ENTPD4: variants seen among roughly 807,000 people sequenced by gnomAD.
The protein encoded by ENTPD4 is Golgi UDPase.
In ENTPD4, 60 loss-of-function variants were observed where a neutral mutation model predicts 79.1. The ratio of observed to expected loss-of-function variants is 0.76; its 90% CI spans 0.62 to 0.94. The LOEUF is 0.94. ENTPD4 is among the 40% of genes least tolerant of loss of function. The pLI is 0.00. For synonymous variants in ENTPD4, 276 were observed against 292.0 expected (o/e 0.95, Z 0.56); for missense variants, 772 against 775.1 (o/e 1.00, Z 0.05).
chr8:23,444,530 A>G lies in ENTPD4; in HGVS notation c.489T>C (p.His163=). The stretch of plus-strand genomic sequence containing the variant: ...TCTCTTTGTGTTTTGCCCGTGGCAC[A>G]TGCTCTGCAGCAAAGTTCAAAAGTG... ...ISPLLNFAAE[H]VPRAKHKETP... Residue 163 remains histidine (H), a synonymous_variant, in exon 5 of 13, where the codon CAT becomes CAC. Transcript: ENST00000358689. 3 of 1,614,206 alleles carry G rather than the reference A, an allele frequency of 1.9e-6. No individual in the cohort carries two copies. Among genetic ancestry groups the G allele is most frequent in the Non-Finnish European group, 2.5e-6 (3 of 1,180,012 alleles).
At chr8:23,435,017 A>T (rs1800530267) in intron 11 of ENTPD4, among the ~76,000 whole-genome samples, 1 of 152,242 alleles carries the variant, frequency 6.6e-6, no homozygotes, top group African/African-American at 2.4e-5. Context: ...AAAAAGCAGA[A>T]CATGATAAAT....
intron 1 of ENTPD4, among the ~76,000 whole-genome samples, chr8:23,453,692 G>A (rs1196863791): frequency 6.6e-6 from 1 of 152,192 alleles, no homozygotes; most frequent in African/African-American, 2.4e-5. Context: ...ACTCTGGACA[G>A]GCACATCACT....
At chr8:23,435,350 T>C (rs1218658537) in intron 11 of ENTPD4, 42 bp downstream of exon 11, 3 of 1,436,800 alleles carry the variant, frequency 2.1e-6, no homozygotes, top group African/African-American at 1.4e-5. Flanking sequence ...CACTGCATTA[T>C]GGTTCTTAAG....
At chr8:23,453,770 C>T (rs1446529210) in intron 1 of ENTPD4, among the ~76,000 whole-genome samples, 1 of 152,144 alleles carries the variant, frequency 6.6e-6, no homozygotes, top group South Asian at 2.1e-4. Flanking sequence ...CTCTACCCAT[C>T]ACACTTCCAG....
intron 8 of ENTPD4, among the ~76,000 whole-genome samples, chr8:23,440,911 C>T (rs371366760): frequency 3.3e-5 from 5 of 152,306 alleles, no homozygotes; most frequent in South Asian, 4.1e-4. Context: ...CACTTTGAAC[C>T]GTCCCCCGCC....
At chr8:23,453,301 T>G (rs2117309530) in intron 1 of ENTPD4, among the ~76,000 whole-genome samples, 1 of 152,244 alleles carries the variant, frequency 6.6e-6, no homozygotes, top group African/African-American at 2.4e-5. Flanking sequence ...AAAAAATCAA[T>G]GATCTAGACG....
chr8:23,445,950 C>T (rs1468268960), intron 4 of ENTPD4, among the ~76,000 whole-genome samples: 2 of 152,146 alleles, frequency 1.3e-5, no homozygotes, highest in Admixed American at 6.5e-5. Flanking sequence ...TAGAAAATTA[C>T]AAACCCAAAA....
At position 23,434,313 on chromosome 8, in the gene ENTPD4, C is replaced by T; in HGVS notation, c.1622+4G>A. The T allele has an allele frequency of 6.2e-7, 1 of 1,613,512 alleles. No individual in the cohort carries two copies. ...GATTCTCGTTCCCAAATTCACAGCC[C>T]TACCTTAATGGTAGAAAGCGGGTCC... On this transcript the variant is annotated splice_donor_region_variant and intron_variant, in intron 12 of 12. Coordinates refer to ENST00000358689, the MANE Select transcript of ENTPD4 (RefSeq NM_004901.5).
chr8:23,434,692 A>G (rs1800525181), intron 11 of ENTPD4: 2 of 1,408,270 alleles, frequency 1.4e-6, no homozygotes. Context: ...CTGTCAAATC[A>G]ATCAGTGCAT....
chr8:23,431,802 C>T lies in ENTPD4; in HGVS notation c.*1124G>A, dbSNP rs1800458685. The T allele has an allele frequency of 1.0e-6, 1 of 985,312 alleles. No individual in the cohort carries two copies. Among genetic ancestry groups the T allele is most frequent in the Non-Finnish European group, 1.2e-6 (1 of 829,928 alleles). 61.0% of individuals were successfully genotyped at this position (985,312 alleles called of 1,614,324 possible). A position where few individuals can be genotyped will look rare whatever the true frequency, so the allele number is the denominator to read the frequency against. ...GGCATGTGCTCTAGTTCCAATAAAA[C>T]CGAAACTGGTGAAACTAGGAATTTC... On this transcript the variant is annotated 3_prime_UTR_variant, in exon 13 of 13. Coordinates refer to ENST00000358689, the MANE Select transcript of ENTPD4 (RefSeq NM_004901.5).
At chr8:23,455,398 G>C (rs939088570) in intron 1 of ENTPD4, among the ~76,000 whole-genome samples, 11 of 152,178 alleles carry the variant, frequency 7.2e-5, no homozygotes, top group Non-Finnish European at 1.5e-4. Flanking sequence ...CAACCATTCC[G>C]GCAGCGTTTT....
rs75831733 is a variant in ENTPD4, at chr8:23,435,363, T to C, written c.1460+29A>G. ...AACACTGCATTATGGTTCTTAAGAG[T>C]GCCCTGGGCTTGACCTTCTAGTACT... is the stretch of plus-strand genomic sequence containing the variant. On this transcript the variant is annotated intron_variant, in intron 11 of 12. Coordinates refer to ENST00000358689, the MANE Select transcript of ENTPD4 (RefSeq NM_004901.5). The C allele has an allele frequency of 3.9e-3, 6,017 of 1,530,620 alleles. 90 individuals carry two copies. The African/African-American group carries it at 0.041, about 10-fold the overall frequency. 94.8% of individuals were successfully genotyped at this position (1,530,620 alleles called of 1,614,324 possible). A position where few individuals can be genotyped will look rare whatever the true frequency, so the allele number is the denominator to read the frequency against.
At chr8:23,438,835 C>T (rs570681753) in intron 9 of ENTPD4, among the ~76,000 whole-genome samples, 49 of 152,292 alleles carry the variant, frequency 3.2e-4, no homozygotes, top group African/African-American at 9.1e-4. Context: ...TTCCTATTTA[C>T]ACACATGACT....
In ENTPD4 at chr8:23,433,010, G is replaced by C. The variant is rs1189231344; in HGVS notation, c.1767C>G (p.His589Gln). Residue 589 changes from histidine (H) to glutamine (Q), a missense_variant, in exon 13 of 13, where the codon CAC becomes CAG. Transcript: ENST00000358689. Reference sequence around the variant, plus strand: ...CCGAGCTGCTCCGGGGAGTGCGCCTGTGGATGCGCCGCAGCCGCAGCAGGT... The same window carrying C: ...CCGAGCTGCTCCGGGGAGTGCGCCTCTGGATGCGCCGCAGCCGCAGCAGGT... ...LLYLLRLRRI[H>Q]RRTPRSSSAA... 2 of 1,613,946 alleles carry C rather than the reference G, an allele frequency of 1.2e-6. No homozygotes were observed. The highest frequency in any genetic ancestry group is 2.7e-5 in the African/African-American group (2 of 74,932).
intron 5 of ENTPD4, among the ~76,000 whole-genome samples, 157 bp from the exon 6 acceptor site, chr8:23,444,110 G>A (rs1398278489): frequency 6.7e-6 from 1 of 149,178 alleles, no homozygotes; most frequent in Non-Finnish European, 1.5e-5. Context: ...TCGTTGGAAA[G>A]ATTATATTAG....
At chr8:23,446,109 C>T (rs1800759299) in intron 4 of ENTPD4, among the ~76,000 whole-genome samples, 1 of 152,216 alleles carries the variant, frequency 6.6e-6, no homozygotes. Flanking sequence ...CAATGTTATA[C>T]ACGGAAGTCC....
chr8:23,437,223 A>G lies in ENTPD4; in HGVS notation c.1085T>C (p.Met362Thr), dbSNP rs779156362. The G allele has an allele frequency of 1.2e-5, 19 of 1,613,392 alleles. 1 individual carries two copies. The South Asian group carries it at 1.3e-4, about 11-fold the overall frequency. The change falls in exon 10 of 13, where the codon ATG becomes ACG. Residue 362 changes from methionine (M) to threonine (T), a missense_variant. Met to Thr is a moderately conservative substitution (Grantham distance 81, BLOSUM62 -1). Coordinates refer to ENST00000358689, the MANE Select transcript of ENTPD4 (RefSeq NM_004901.5). Reference sequence around the variant, plus strand: ...GGGTAGGCAGGGGTCCAAGTACGGCATATCAGGAGTCAGACCAGTCTGTTT... The same window carrying G: ...GGGTAGGCAGGGGTCCAAGTACGGCGTATCAGGAGTCAGACCAGTCTGTTT... The part of the protein sequence containing the change: ...LGKQTGLTPD[M>T]PYLDPCLPLD...
chr8:23,429,921 G>C lies in ENTPD4; in HGVS notation c.*3005C>G. On this transcript the variant is annotated 3_prime_UTR_variant, in exon 13 of 13. Transcript: ENST00000358689. ...ATGTCTGAGAACATCCCCTGGAGGA[G>C]GTTTAAAAGTGAGAAGCCCATGATA... 1.0e-6 allele frequency: 1 copy of C among 985,438 alleles called. No homozygotes were observed. The highest frequency in any genetic ancestry group is 4.7e-5 in the South Asian group (1 of 21,290). 61.0% of individuals were successfully genotyped at this position (985,438 alleles called of 1,614,324 possible).
rs1800470916 is a variant in ENTPD4, at chr8:23,432,434, C to G, written c.*492G>C. Reference sequence around the variant, plus strand: ...CAAGTGAATTTCCCTCTTCCCCACTCCTCAATTTAATGCTGTACTCAAAAT... The same window carrying G: ...CAAGTGAATTTCCCTCTTCCCCACTGCTCAATTTAATGCTGTACTCAAAAT... On this transcript the variant is annotated 3_prime_UTR_variant, in exon 13 of 13. Coordinates refer to ENST00000358689, the MANE Select transcript of ENTPD4 (RefSeq NM_004901.5). 1.0e-6 allele frequency: 1 copy of G among 985,638 alleles called. No homozygotes were observed. Among genetic ancestry groups the G allele is most frequent in the Admixed American group, 6.1e-5 (1 of 16,294 alleles). The allele number at this position is 985,638 out of a possible 1,614,324, so 61.1% of individuals were successfully genotyped here.
Sources: gnomAD v4.1 joint callset for allele counts (sites outside exome capture counted in the v4.1 genomes callset) on GRCh38, gnomAD v4.1.1 for gene constraint, MANE v1.5 for transcripts, NCBI Gene and HGNC (gene_info 2026-07-23, HGNC 2026-07-21) for gene names.